TBL3: variants seen among roughly 807,000 people sequenced by gnomAD.
TBL3 encodes the protein transducin beta like 3, also known as transducin beta-like protein 3.
In TBL3, 71 loss-of-function variants were observed where a neutral mutation model predicts 102.7. That is an observed-to-expected ratio of 0.69 (90% confidence interval 0.57 to 0.84). The LOEUF is 0.84. TBL3 is among the 40% of genes least tolerant of loss of function. The pLI, the probability that TBL3 is intolerant of heterozygous loss-of-function variation, is 0.00. For missense variants in TBL3, 1,188 were observed against 1,098.5 expected, an observed-to-expected ratio of 1.08 and a Z score of -1.15; for synonymous variants, 578 against 477.7, an observed-to-expected ratio of 1.21 and a Z score of -2.74.
rs1435642684 is a variant in TBL3 at position 1,974,967 on chromosome 16, C to T, written c.504C>T (p.Leu168=). The T allele has an allele frequency of 6.2e-7, 1 of 1,609,668 alleles. No homozygotes were observed. The highest frequency in any genetic ancestry group is 1.1e-5 in the South Asian group (1 of 91,086). ...ACCCGGACCCTACACGCCTGCTGCT[C>T]TTCTCCTCGGCCACGGATGCCGCCA... ...AFHPDPTRLL[L]FSSATDAAIR... Residue 168 remains leucine, a synonymous_variant, in exon 7 of 22, where the codon CTC becomes CTT. Transcript: ENST00000568546.
intron 20 of TBL3, 30 bp downstream of exon 20, chr16:1,978,250 G>C (rs777470982): frequency 3.7e-6 from 6 of 1,612,492 alleles, no homozygotes; most frequent in Admixed American, 1.7e-5. Context: ...GGGTGGCCCG[G>C]TGGGCAAGGG....
In TBL3 at chr16:1,978,559, C is replaced by G; in HGVS notation, c.2301C>G (p.His767Gln). 6.2e-7 allele frequency: 1 copy of G among 1,606,920 alleles called. No individual in the cohort carries two copies. The highest frequency in any genetic ancestry group is 8.5e-7 in the Non-Finnish European group (1 of 1,175,376). The change falls in exon 22 of 22, where the codon CAC becomes CAG. Residue 767 changes from histidine to glutamine, a missense_variant. Physicochemically the swap from His to Gln is conservative, Grantham distance 24 (BLOSUM62 0). Coordinates refer to ENST00000568546, the MANE Select transcript of TBL3 (RefSeq NM_006453.3). ...LEALLPYTER[H>Q]FQRLSRTLQA... is the part of the protein sequence containing the mutation. The stretch of plus-strand genomic sequence containing the variant: ...CCCTCTGTCCAACCCCAGAGCGGCA[C>G]TTTCAGCGGCTCAGCAGGACCCTCC...
chr16:1,977,978 T>C lies in TBL3; in HGVS notation c.1979T>C (p.Leu660Pro). 6.2e-7 allele frequency: 1 copy of C among 1,603,548 alleles called. No individual in the cohort carries two copies. Among genetic ancestry groups the C allele is most frequent in the East Asian group, 2.2e-5 (1 of 44,820 alleles). Residue 660 changes from leucine to proline, a missense_variant, in exon 19 of 22, where the codon CTG (leucine) becomes CCG (proline). By Grantham distance (98) the Leu-to-Pro change is moderately conservative (BLOSUM62 -3). Coordinates refer to ENST00000568546, the MANE Select transcript of TBL3 (RefSeq NM_006453.3). ...CACAGGCAGCAAGAGCTGGACAACC[T>C]GCTGCATGAGAAGCGGTACCTGCGG... ...QVVRQQELDN[L>P]LHEKRYLRAL...
Position 1,977,170 on chromosome 16 carries a change from C to A in TBL3, c.1557C>A (p.Gly519=), listed in dbSNP as rs1303561270. Reference sequence around the variant, plus strand: ...GCCAGCTGCTGGGTGTCTTCTCAGGCCACCGGCGTGGCCTCTGGTGCGTCC... The same window carrying A: ...GCCAGCTGCTGGGTGTCTTCTCAGGACACCGGCGTGGCCTCTGGTGCGTCC... ...PQCQLLGVFS[G]HRRGLWCVQF... The change falls in exon 15 of 22, where the codon GGC becomes GGA. Residue 519 remains glycine (G), a synonymous_variant. Transcript: ENST00000568546. The A allele has an allele frequency of 6.2e-7, 1 of 1,612,970 alleles. No individual in the cohort carries two copies. Among genetic ancestry groups the A allele is most frequent in the African/African-American group, 1.3e-5 (1 of 74,898 alleles).
Position 1,979,623 on chromosome 16 carries a change from C to A in TBL3, c.*938C>A. On this transcript the variant is annotated 3_prime_UTR_variant, in exon 22 of 22. Coordinates refer to ENST00000568546, the MANE Select transcript of TBL3 (RefSeq NM_006453.3). ...CGCACCCTTCTCCACATTCTCCTTG[C>A]TTGAGTCTGCTGACGGCGGGGCCGC... 7.3e-7 allele frequency: 1 copy of A among 1,363,766 alleles called. No individual in the cohort carries two copies. Among genetic ancestry groups the A allele is most frequent in the Non-Finnish European group, 1.0e-6 (1 of 979,178 alleles). 84.5% of individuals were successfully genotyped at this position (1,363,766 alleles called of 1,614,324 possible).
At position 1,974,271 on chromosome 16, in the gene TBL3, C is replaced by G. The variant is rs141442868; in HGVS notation, c.168C>G (p.Ala56=). ...RVNILEVASG[A]VLRSLEQEDQ... is the part of the protein sequence containing the mutation. ...ACATTCTGGAAGTGGCCTCGGGGGCCGTGCTGCGGAGTCTGGAGCAGGTGA... is the reference window on the plus strand; with the variant it reads ...ACATTCTGGAAGTGGCCTCGGGGGCGGTGCTGCGGAGTCTGGAGCAGGTGA... Residue 56 remains alanine (A), a synonymous_variant, in exon 3 of 22, where the codon GCC becomes GCG. Transcript: ENST00000568546. The G allele has an allele frequency of 3.8e-6, 6 of 1,598,722 alleles. No homozygotes were observed. The highest frequency in any genetic ancestry group is 2.7e-5 in the African/African-American group (2 of 74,640).
rs1282224495 is a variant in TBL3, at chr16:1,978,537, T to G, written c.2294-15T>G. On this transcript the variant is annotated splice_polypyrimidine_tract_variant and intron_variant, in intron 21 of 21. Coordinates refer to ENST00000568546, the MANE Select transcript of TBL3 (RefSeq NM_006453.3). ...GTGTGGACCACCCCCCTGACCTCCC[T>G]CTGTCCAACCCCAGAGCGGCACTTT... 1 of 1,599,186 alleles carries G rather than the reference T, an allele frequency of 6.3e-7. No homozygotes were observed. The highest frequency in any genetic ancestry group is 2.2e-5 in the East Asian group (1 of 44,532).
Position 1,981,461 on chromosome 16 carries a change from T to C in TBL3, c.*2776T>C, listed in dbSNP as rs2083509196. Reference sequence around the variant, plus strand: ...AATGAGCTTTCCAGCCCTGGAGGCGTGCAAGACTGAAGAAGGGGCGAAGGG... The same window carrying C: ...AATGAGCTTTCCAGCCCTGGAGGCGCGCAAGACTGAAGAAGGGGCGAAGGG... On this transcript the variant is annotated 3_prime_UTR_variant, in exon 22 of 22. Coordinates refer to ENST00000568546, the MANE Select transcript of TBL3 (RefSeq NM_006453.3). 1 of 671,916 alleles carries C rather than the reference T, an allele frequency of 1.5e-6. No individual in the cohort carries two copies. The highest frequency in any genetic ancestry group is 2.3e-6 in the Non-Finnish European group (1 of 428,756). 41.6% of individuals were successfully genotyped at this position (671,916 alleles called of 1,614,324 possible).
At position 1,980,939 on chromosome 16, in the gene TBL3, C is replaced by T; in HGVS notation, c.*2254C>T. 6.2e-7 allele frequency: 1 copy of T among 1,612,470 alleles called. No individual in the cohort carries two copies. The highest frequency in any genetic ancestry group is 1.1e-5 in the South Asian group (1 of 91,080). On this transcript the variant is annotated 3_prime_UTR_variant, in exon 22 of 22. Coordinates refer to ENST00000568546, the MANE Select transcript of TBL3 (RefSeq NM_006453.3). ...ATCAGGGTGGCCCAGGGTCACTCAC[C>T]TTGAGCTGCCTGAATTCGTCCCAAC...
Position 1,974,567 on chromosome 16 carries a change from G to T in TBL3, c.267G>T (p.Leu89=). 3 of 1,610,398 alleles carry T rather than the reference G, an allele frequency of 1.9e-6. No homozygotes were observed. The highest frequency in any genetic ancestry group is 1.7e-6 in the Non-Finnish European group (2 of 1,177,794). ...EVLVTASRAL[L]LAQWAWQEGS... Reference sequence around the variant, plus strand: ...TGGTGACAGCCAGTCGGGCATTGCTGCTGGCTCAGTGGGCCTGGCAAGAGG... The same window carrying T: ...TGGTGACAGCCAGTCGGGCATTGCTTCTGGCTCAGTGGGCCTGGCAAGAGG... Residue 89 remains leucine (L), a synonymous_variant, in exon 5 of 22, where the codon CTG becomes CTT. Transcript: ENST00000568546.
Position 1,974,699 on chromosome 16 carries a change from G to T in TBL3, c.379+20G>T. On this transcript the variant is annotated intron_variant, in intron 5 of 21. Coordinates refer to ENST00000568546, the MANE Select transcript of TBL3 (RefSeq NM_006453.3). ...CCACAGGTAGGGCCCTGCCGTGCAGGTGGGTCGTGGGCACAGATGCAGGGG... is the reference window on the plus strand; with the variant it reads ...CCACAGGTAGGGCCCTGCCGTGCAGTTGGGTCGTGGGCACAGATGCAGGGG... 2 of 1,611,154 alleles carry T rather than the reference G, an allele frequency of 1.2e-6. No homozygotes were observed. Among genetic ancestry groups the T allele is most frequent in the South Asian group, 2.2e-5 (2 of 91,044 alleles).
Position 1,974,235 on chromosome 16 carries a change from C to T in TBL3, c.132C>T (p.Gly44=). Residue 44 remains glycine, a synonymous_variant, in exon 3 of 22, where the codon GGC becomes GGT. Coordinates refer to ENST00000568546, the MANE Select transcript of TBL3 (RefSeq NM_006453.3). ...GCCAGCACCTCTTCTGCGTCTGTGG[C>T]ACCAGAGTCAACATTCTGGAAGTGG... ...QTGQHLFCVC[G]TRVNILEVAS... is the part of the protein sequence containing the mutation. 6.9e-6 allele frequency: 11 copies of T among 1,603,720 alleles called. No homozygotes were observed. Among genetic ancestry groups the T allele is most frequent in the South Asian group, 1.1e-5 (1 of 90,066 alleles).
rs1251560393 is a variant in TBL3, at chr16:1,974,993, TC to T, written c.532del (p.Arg178AlafsTer14). ...TTCTCCTCGGCCACGGATGCCGCCA[TC>T]CGCGTGTGGTCACTGCAGGACCGGT... ...LLFSSATDAA[I>X]RVWSLQDRSC... On this transcript the variant is annotated frameshift_variant, in exon 7 of 22. Transcript: ENST00000568546. LOFTEE classifies it high-confidence loss of function. 3 of 1,607,708 alleles carry T rather than the reference TC, an allele frequency of 1.9e-6. No homozygotes were observed. The Admixed American group carries it at 5.0e-5, about 27-fold the overall frequency.
Position 1,974,828 on chromosome 16 carries a change from G to A in TBL3, c.445G>A (p.Gly149Ser). Residue 149 changes from glycine to serine, a missense_variant, in exon 6 of 22, where the codon GGC (glycine) becomes AGC (serine). Coordinates refer to ENST00000568546, the MANE Select transcript of TBL3 (RefSeq NM_006453.3). ...VRHYGTHHFRGSPGVVHLVAF... is the reference protein window; with the variant it reads ...VRHYGTHHFRSSPGVVHLVAF... ...GCACTACGGGACACACCACTTCCGA[G>A]GCTCGCCCGGTGTCGTGCAGTGAGT... 2 of 1,613,264 alleles carry A rather than the reference G, an allele frequency of 1.2e-6. No homozygotes were observed. Among genetic ancestry groups the A allele is most frequent in the Admixed American group, 1.7e-5 (1 of 60,028 alleles).
In TBL3 at chr16:1,979,322, G is replaced by A. The variant is rs747996347; in HGVS notation, c.*637G>A. The A allele has an allele frequency of 1.1e-5, 18 of 1,574,230 alleles. No homozygotes were observed. Among genetic ancestry groups the A allele is most frequent in the South Asian group, 9.1e-5 (8 of 87,664 alleles). Reference sequence around the variant, plus strand: ...GCCCTTCCGGCCGCAGCAGCACCGCGGGGAGTAGGCCCGCCCGGTCGCCGT... The same window carrying A: ...GCCCTTCCGGCCGCAGCAGCACCGCAGGGAGTAGGCCCGCCCGGTCGCCGT... On this transcript the variant is annotated 3_prime_UTR_variant, in exon 22 of 22. Coordinates refer to ENST00000568546, the MANE Select transcript of TBL3 (RefSeq NM_006453.3).
At position 1,975,173 on chromosome 16, in the gene TBL3, C is replaced by T. The variant is rs555336372; in HGVS notation, c.636-14C>T. ...AGGCTAAGACTTGACCTGAGGTTGC[C>T]GTTGCTCCTTCAGCTCCGGCCGTGA... On this transcript the variant is annotated splice_polypyrimidine_tract_variant and intron_variant, in intron 7 of 21. Transcript: ENST00000568546. 5.0e-6 allele frequency: 8 copies of T among 1,613,724 alleles called. No individual in the cohort carries two copies. Among genetic ancestry groups the T allele is most frequent in the African/African-American group, 1.3e-5 (1 of 75,010 alleles).
At position 1,974,190 on chromosome 16, in the gene TBL3, T is replaced by A. The variant is rs761269060; in HGVS notation, c.94-7T>A. Reference sequence around the variant, plus strand: ...ATGTTGCCTGGCTGAGACCTCTCTGTCCCCAGCTGGACCAGACTGGCCAGC... The same window carrying A: ...ATGTTGCCTGGCTGAGACCTCTCTGACCCCAGCTGGACCAGACTGGCCAGC... On this transcript the variant is annotated splice_region_variant and splice_polypyrimidine_tract_variant and intron_variant, in intron 2 of 21. Coordinates refer to ENST00000568546, the MANE Select transcript of TBL3 (RefSeq NM_006453.3). 6.3e-7 allele frequency: 1 copy of A among 1,576,324 alleles called. No individual in the cohort carries two copies. The highest frequency in any genetic ancestry group is 8.6e-7 in the Non-Finnish European group (1 of 1,158,662).
intron 13 of TBL3, 122 bp downstream of exon 13, chr16:1,976,436 C>T (rs575030609): frequency 1.2e-6 from 1 of 843,670 alleles, no homozygotes; most frequent in South Asian, 1.6e-5. Flanking sequence ...AGGCTCCAGC[C>T]CAAAGATGTG....
intron 1 of TBL3, among the ~76,000 whole-genome samples, chr16:1,972,802 T>C (rs1392843166): frequency 2.0e-5 from 3 of 152,208 alleles, no homozygotes; most frequent in Non-Finnish European, 4.4e-5. Flanking sequence ...AGTCCCAGGC[T>C]GGCAGCACCG....
Sources: allele counts gnomAD v4.1 joint callset (sites outside exome capture counted in the v4.1 genomes callset), GRCh38; gene constraint gnomAD v4.1.1; transcripts MANE v1.5; gene names NCBI Gene and HGNC (gene_info 2026-07-23, HGNC 2026-07-21).